The following SGCZ variants were observed in gnomAD, a reference collection of about 807,000 sequenced individuals.
SGCZ encodes the protein zeta-sarcoglycan.
SGCZ carries 40 observed loss-of-function variants against 41.3 expected under a neutral mutation model. That is an observed-to-expected ratio of 0.97 (90% CI 0.75 to 1.26). The LOEUF is 1.26. Among genes scored for constraint, SGCZ ranks in the 50% most tolerant of loss-of-function variants. The pLI is 0.00. For synonymous variants in SGCZ, 206 were observed against 137.5 expected (o/e 1.50, Z -3.49); for missense variants, 552 against 369.8 (o/e 1.49, Z -4.04).
At chr8:14,185,468 A>T (rs528909448) in intron 4 of SGCZ, among the ~76,000 whole-genome samples, 3 of 152,138 alleles carry the variant, frequency 2.0e-5, no homozygotes, top group Non-Finnish European at 4.4e-5. Flanking sequence ...ACTCAGCTTC[A>T]ATTGATCTAA....
At chr8:15,169,180 C>G (rs1799755469) in intron 1 of SGCZ, among the ~76,000 whole-genome samples, 1 of 152,184 alleles carries the variant, frequency 6.6e-6, no homozygotes, top group Non-Finnish European at 1.5e-5. Flanking sequence ...ACAGCGCCCC[C>G]TGTCAGCAAG....
chr8:14,709,594 T>C lies in SGCZ; in HGVS notation c.40-154668A>G, dbSNP rs149508777. ...GCAGGAATGCAAAGTTAAAGCACTA[T>C]TAAAATAAATTTTCACAGTGATTTT... On this transcript the variant is annotated intron_variant, in intron 1 of 7. Coordinates refer to ENST00000382080, the MANE Select transcript of SGCZ (RefSeq NM_139167.4). Among the ~76,000 whole-genome samples, 736 of 152,208 alleles carry C rather than the reference T, an allele frequency of 4.8e-3. 3 individuals carry two copies. Among genetic ancestry groups the C allele is most frequent in the Middle Eastern group, 0.014 (4 of 294 alleles).
At chr8:14,714,484 A>C (rs997501886) in intron 1 of SGCZ, among the ~76,000 whole-genome samples, 1 of 152,190 alleles carries the variant, frequency 6.6e-6, no homozygotes, top group South Asian at 2.1e-4. Context: ...GCTATATGGA[A>C]TATTTTTTTT....
chr8:14,314,044 AT>A (rs796292922), intron 3 of SGCZ, among the ~76,000 whole-genome samples: 25 of 151,896 alleles, frequency 1.6e-4, no homozygotes, highest in African/African-American at 5.8e-4. Context: ...AGGGATCTTC[AT>A]TTTTTTGTAA....
intron 1 of SGCZ, among the ~76,000 whole-genome samples, chr8:14,826,040 A>C (rs1802296922): frequency 6.6e-6 from 1 of 151,190 alleles, no homozygotes; most frequent in African/African-American, 2.4e-5. Context: ...TGCACCCATT[A>C]ACTAGTCATT....
intron 5 of SGCZ, among the ~76,000 whole-genome samples, chr8:14,125,696 G>A (rs1458585579): frequency 6.6e-6 from 1 of 152,094 alleles, no homozygotes; most frequent in East Asian, 1.9e-4. Context: ...AAAGGACAAA[G>A]CTGGAGGCAT....
At chr8:15,065,942 C>T (rs1166333332) in intron 1 of SGCZ, among the ~76,000 whole-genome samples, 2 of 152,158 alleles carry the variant, frequency 1.3e-5, no homozygotes, top group Non-Finnish European at 1.5e-5. Flanking sequence ...AATTTCACGT[C>T]TTCCTTTTTA....
rs962243580 is a variant in SGCZ, at chr8:14,406,047, T to C, written c.235-81843A>G. On this transcript the variant is annotated intron_variant, in intron 2 of 7. Transcript: ENST00000382080. ...ACAGCTGTTGTTAAATCACAGCAAATAACCCATCAAATATATGCATGATCT... is the reference window on the plus strand; with the variant it reads ...ACAGCTGTTGTTAAATCACAGCAAACAACCCATCAAATATATGCATGATCT... 3.8e-4 allele frequency among the ~76,000 whole-genome samples: 58 copies of C among 152,178 alleles called. 1 individual carries two copies. The highest frequency in any genetic ancestry group is 3.4e-3 in the Middle Eastern group (1 of 294).
chr8:15,001,919 G>C lies in SGCZ; in HGVS notation c.39+235666C>G, dbSNP rs543855354. Among the ~76,000 whole-genome samples, 244 of 152,206 alleles carry C rather than the reference G, an allele frequency of 1.6e-3. 3 individuals are homozygous for C. The highest frequency in any genetic ancestry group is 5.8e-3 in the African/African-American group (241 of 41,526). ...AAGTGGTCAAGCTACTGCCATGCTAGGCAGTTTGATTCCTGATGATACCAG... is the reference window on the plus strand; with the variant it reads ...AAGTGGTCAAGCTACTGCCATGCTACGCAGTTTGATTCCTGATGATACCAG... On this transcript the variant is annotated intron_variant, in intron 1 of 7. Coordinates refer to ENST00000382080, the MANE Select transcript of SGCZ (RefSeq NM_139167.4).
intron 1 of SGCZ, among the ~76,000 whole-genome samples, chr8:15,030,070 T>C (rs767914267): frequency 3.9e-5 from 6 of 152,280 alleles, no homozygotes; most frequent in Non-Finnish European, 4.4e-5. Flanking sequence ...CTCTTGTTAA[T>C]TGAGGAGATG....
In SGCZ at chr8:15,123,946, G is replaced by C. The variant is rs77275381; in HGVS notation, c.39+113639C>G. Among the ~76,000 whole-genome samples, 246 of 152,166 alleles carry C rather than the reference G, an allele frequency of 1.6e-3. 5 individuals carry two copies. In the East Asian group the frequency reaches 0.042, roughly 26 times the overall value. On this transcript the variant is annotated intron_variant, in intron 1 of 7. Coordinates refer to ENST00000382080, the MANE Select transcript of SGCZ (RefSeq NM_139167.4). ...TAGTCTACAAAAGAGGGAAGGGTGG[G>C]TTGGGCAAGAGGAAGAAAGAGGGAA...
intron 5 of SGCZ, among the ~76,000 whole-genome samples, chr8:14,159,734 C>T (rs1412782972): frequency 2.6e-5 from 4 of 152,096 alleles, no homozygotes; most frequent in East Asian, 1.9e-4. Flanking sequence ...GGAGTGTTAC[C>T]GCATTCTTGG....
At chr8:15,085,078 T>C (rs939219376) in intron 1 of SGCZ, among the ~76,000 whole-genome samples, 1 of 152,202 alleles carries the variant, frequency 6.6e-6, no homozygotes, top group African/African-American at 2.4e-5. Flanking sequence ...AGGAGATCTA[T>C]GCAGTCAATT....
chr8:14,548,624 A>G (rs1803704645), intron 2 of SGCZ, among the ~76,000 whole-genome samples: 1 of 152,070 alleles, frequency 6.6e-6, no homozygotes, highest in African/African-American at 2.4e-5. Flanking sequence ...TATTTAAATA[A>G]AGTTTCTCCC....
At chr8:14,441,653 G>C (rs1800274493) in intron 2 of SGCZ, among the ~76,000 whole-genome samples, 1 of 152,118 alleles carries the variant, frequency 6.6e-6, no homozygotes, top group African/African-American at 2.4e-5. Flanking sequence ...AGGCTTTTCA[G>C]ATTCATATCT....
At chr8:14,798,491 T>C (rs182729386) in intron 1 of SGCZ, among the ~76,000 whole-genome samples, 2 of 152,250 alleles carry the variant, frequency 1.3e-5, no homozygotes, top group African/African-American at 2.4e-5. Flanking sequence ...AAATAAACTA[T>C]GTACATGAAG....
intron 1 of SGCZ, among the ~76,000 whole-genome samples, chr8:14,648,129 G>C (rs550757615): frequency 6.6e-6 from 1 of 152,104 alleles, no homozygotes; most frequent in East Asian, 1.9e-4. Context: ...CTCCTTAAAA[G>C]TTAAAAGTAT....
rs1397692453 is a variant in SGCZ at position 14,376,782 on chromosome 8, A to T, written c.235-52578T>A. On this transcript the variant is annotated intron_variant, in intron 2 of 7. Transcript: ENST00000382080. ...AATATCATGTCAAATGTCCTAGATAAAATTTTAGCTAGCAGAATTCAACAT... is the reference window on the plus strand; with the variant it reads ...AATATCATGTCAAATGTCCTAGATATAATTTTAGCTAGCAGAATTCAACAT... 2.6e-5 allele frequency among the ~76,000 whole-genome samples: 4 copies of T among 152,248 alleles called. No individual in the cohort carries two copies. The East Asian group carries it at 7.7e-4, about 29-fold the overall frequency.
intron 3 of SGCZ, among the ~76,000 whole-genome samples, chr8:14,321,468 G>A (rs1023759871): frequency 2.6e-5 from 4 of 152,008 alleles, no homozygotes; most frequent in Non-Finnish European, 5.9e-5. Context: ...ATTTATGGGT[G>A]ACTGCATCTT....
Sources: gnomAD v4.1 joint callset for allele counts (sites outside exome capture counted in the v4.1 genomes callset) on GRCh38, gnomAD v4.1.1 for gene constraint, MANE v1.5 for transcripts, NCBI Gene and HGNC (gene_info 2026-07-23, HGNC 2026-07-21) for gene names.